Variants in OR9Q1 observed in about 807,000 individuals in gnomAD.
OR9Q1 encodes olfactory receptor family 9 subfamily Q member 1.
For synonymous variants in OR9Q1, 153 were observed against 148.6 expected (o/e 1.03, Z -0.22); for missense variants, 374 against 378.8 (o/e 0.99, Z 0.11).
chr11:58,138,110 C>T (rs1854206472), intron 2 of OR9Q1, among the ~76,000 whole-genome samples: 1 of 152,192 alleles, frequency 6.6e-6, no homozygotes, highest in African/African-American at 2.4e-5. Flanking sequence ...CATGCTCTCT[C>T]TGGCTCATCA....
At position 58,088,518 on chromosome 11, in the gene OR9Q1, C is replaced by T. The variant is rs537862076; in HGVS notation, c.-15+32571C>T. Among the ~76,000 whole-genome samples the T allele has an allele frequency of 4.6e-5, 7 of 152,028 alleles. No homozygotes were observed. The East Asian group carries it at 9.6e-4, about 21-fold the overall frequency. On this transcript the variant is annotated intron_variant, in intron 2 of 2. Transcript: ENST00000335397. ...GACTTTTTAATAATTGCCATTCTAA[C>T]TGGAATGAGATGGTATCTCATTGTG... is the stretch of plus-strand genomic sequence containing the variant.
chr11:58,048,679 A>AAAATATATATATATATATAT (rs745596668), intron 1 of OR9Q1, among the ~76,000 whole-genome samples: 1 of 131,396 alleles, frequency 7.6e-6, no homozygotes, highest in African/African-American at 2.8e-5. Flanking sequence ...TAAAAAAAAA[A>AAAATATATATATATATATAT]ATATATATAT....
intron 2 of OR9Q1, among the ~76,000 whole-genome samples, chr11:58,071,840 A>G (rs1301270029): frequency 6.6e-6 from 1 of 152,244 alleles, no homozygotes; most frequent in East Asian, 1.9e-4. Context: ...AAATAAATTC[A>G]TAACCATTAC....
intron 2 of OR9Q1, among the ~76,000 whole-genome samples, chr11:58,140,545 T>A (rs1854237144): frequency 6.6e-6 from 1 of 152,210 alleles, no homozygotes; most frequent in South Asian, 2.1e-4. Context: ...AAATAGGGAA[T>A]CCTTTCCCCA....
At chr11:58,060,087 C>A (rs1853365984) in intron 2 of OR9Q1, 1 of 152,290 alleles carries the variant, frequency 6.6e-6, no homozygotes, top group African/African-American at 2.4e-5. Context: ...GTATTCATTT[C>A]TCCCTGCTTA....
chr11:58,151,285 C>CTCATCTATTATTGG (rs1184616301), intron 2 of OR9Q1, among the ~76,000 whole-genome samples: 1 of 152,172 alleles, frequency 6.6e-6, no homozygotes, highest in Non-Finnish European at 1.5e-5. Flanking sequence ...AGCCTTCTTT[C>CTCATCTATTATTGG]TCATCTATTA....
chr11:58,161,203 T>G (rs1854454010), intron 2 of OR9Q1, among the ~76,000 whole-genome samples: 1 of 148,338 alleles, frequency 6.7e-6, no homozygotes, highest in Non-Finnish European at 1.5e-5. Flanking sequence ...GTAACAAACC[T>G]GCATGTTGTG....
intron 2 of OR9Q1, among the ~76,000 whole-genome samples, chr11:58,122,874 A>G (rs1004554720): frequency 6.6e-6 from 1 of 151,916 alleles, no homozygotes; most frequent in Non-Finnish European, 1.5e-5. Context: ...GTGTTTTAAA[A>G]TTTGTGTACA....
At chr11:58,170,950 C>T (rs1216129462) in intron 2 of OR9Q1, 1 of 151,990 alleles carries the variant, frequency 6.6e-6, no homozygotes, top group African/African-American at 2.4e-5. Context: ...TGTATCAAGC[C>T]CACACTTAAA....
chr11:58,127,610 T>C (rs1310386738), intron 2 of OR9Q1, among the ~76,000 whole-genome samples: 2 of 152,172 alleles, frequency 1.3e-5, no homozygotes, highest in Non-Finnish European at 2.9e-5. Flanking sequence ...AGTGGATCCC[T>C]TAGCTAATGG....
At chr11:58,127,201 C>T (rs981124371) in intron 2 of OR9Q1, among the ~76,000 whole-genome samples, 12 of 152,166 alleles carry the variant, frequency 7.9e-5, no homozygotes, top group Non-Finnish European at 1.5e-4. Context: ...CTGCCCGCCT[C>T]GGCCTCCAGA....
intron 2 of OR9Q1, among the ~76,000 whole-genome samples, chr11:58,153,833 A>G (rs569143442): frequency 2.0e-5 from 3 of 152,300 alleles, no homozygotes; most frequent in Admixed American, 2.0e-4. Context: ...ATATCACTAG[A>G]CTATGATTCA....
chr11:58,094,413 C>T (rs1249259186), intron 2 of OR9Q1, among the ~76,000 whole-genome samples: 1 of 152,134 alleles, frequency 6.6e-6, no homozygotes, highest in African/African-American at 2.4e-5. Context: ...ATGAAAATTA[C>T]ACATGTACCT....
chr11:58,078,738 T>G (rs1853562594), intron 2 of OR9Q1: 1 of 152,224 alleles, frequency 6.6e-6, no homozygotes, highest in South Asian at 2.1e-4. Flanking sequence ...AGTAAATGGT[T>G]GCCCTCTAGA....
chr11:58,136,359 C>G (rs1854189123), intron 2 of OR9Q1, among the ~76,000 whole-genome samples: 1 of 152,150 alleles, frequency 6.6e-6, no homozygotes, highest in South Asian at 2.1e-4. Context: ...ATCCTTAAAA[C>G]CCAGCAGTTT....
At chr11:58,164,857 C>A (rs1012995454) in intron 2 of OR9Q1, among the ~76,000 whole-genome samples, 3 of 152,184 alleles carry the variant, frequency 2.0e-5, no homozygotes, top group African/African-American at 7.2e-5. Context: ...GGCATGGTCT[C>A]GCCTCAGAGC....
chr11:58,047,549 T>A (rs971076040), intron 1 of OR9Q1: 4 of 151,996 alleles, frequency 2.6e-5, no homozygotes, highest in Non-Finnish European at 5.9e-5. Flanking sequence ...ATGGAGCACC[T>A]GAAAGAGGGA....
chr11:58,096,430 ATTAGT>A (rs1412618701), intron 2 of OR9Q1, among the ~76,000 whole-genome samples: 1 of 152,158 alleles, frequency 6.6e-6, no homozygotes, highest in Non-Finnish European at 1.5e-5. Context: ...ATGACTATAA[ATTAGT>A]TTGCCTACTT....
chr11:58,143,292 C>T (rs1411673977), intron 2 of OR9Q1, among the ~76,000 whole-genome samples: 1 of 152,162 alleles, frequency 6.6e-6, no homozygotes, highest in Non-Finnish European at 1.5e-5. Context: ...AAGAAGGAGG[C>T]TGAAATTCAG....
Sources: allele counts gnomAD v4.1 joint callset (sites outside exome capture counted in the v4.1 genomes callset), GRCh38; gene constraint gnomAD v4.1.1; transcripts MANE v1.5; gene names NCBI Gene and HGNC (gene_info 2026-07-23, HGNC 2026-07-21).